Variants in DAAM1 observed in about 807,000 individuals in gnomAD.
The protein encoded by DAAM1 is disheveled-associated activator of morphogenesis 1.
DAAM1 carries 52 observed loss-of-function variants against 130.0 expected under a neutral mutation model. That is an observed-to-expected ratio of 0.40 (90% CI 0.32 to 0.50). DAAM1 has a LOEUF of 0.50. Ranked by LOEUF, DAAM1 falls within the 20% of genes least tolerant of loss-of-function variation. DAAM1 has a pLI of 0.61. For synonymous variants in DAAM1, 452 were observed against 444.5 expected (o/e 1.02, Z -0.21); for missense variants, 1,134 against 1,303.8 (o/e 0.87, Z 2.01).
intron 2 of DAAM1, among the ~76,000 whole-genome samples, chr14:59,267,421 G>C (rs956035130): frequency 6.6e-6 from 1 of 152,020 alleles, no homozygotes; most frequent in Non-Finnish European, 1.5e-5. Flanking sequence ...CCTGCTGTAG[G>C]CAGGGGAACC....
intron 16 of DAAM1, among the ~76,000 whole-genome samples, chr14:59,346,497 T>TCTA (rs1387187774): frequency 4.6e-5 from 7 of 152,160 alleles, no homozygotes; most frequent in African/African-American, 1.7e-4. Context: ...CCAGGCATGG[T>TCTA]GACTCATGCC....
intron 2 of DAAM1, among the ~76,000 whole-genome samples, chr14:59,276,181 A>G (rs958460183): frequency 6.6e-6 from 1 of 152,242 alleles, no homozygotes; most frequent in Non-Finnish European, 1.5e-5. Flanking sequence ...TTGGCAATTC[A>G]TGATTCCCAG....
chr14:59,305,108 C>T (rs961533313), intron 3 of DAAM1, among the ~76,000 whole-genome samples: 5 of 152,168 alleles, frequency 3.3e-5, no homozygotes, highest in African/African-American at 7.2e-5. Flanking sequence ...TGAATTTGCA[C>T]GATACATAAG....
chr14:59,254,857 A>G (rs556367423), intron 1 of DAAM1, among the ~76,000 whole-genome samples: 14 of 152,210 alleles, frequency 9.2e-5, no homozygotes, highest in Non-Finnish European at 1.8e-4. Context: ...TGCTGCTTAC[A>G]TGCAGAGTTG....
At chr14:59,194,265 G>A (rs943485037) in intron 1 of DAAM1, among the ~76,000 whole-genome samples, 4 of 152,200 alleles carry the variant, frequency 2.6e-5, no homozygotes, top group African/African-American at 9.7e-5. Flanking sequence ...TTAATTGAGA[G>A]TAAAATGACT....
chr14:59,196,070 T>A (rs891165395), intron 1 of DAAM1, among the ~76,000 whole-genome samples: 15 of 152,332 alleles, frequency 9.8e-5, no homozygotes, highest in African/African-American at 3.4e-4. Flanking sequence ...CTTCTGACAG[T>A]TGTCCTCCTG....
rs923829942 is a variant in DAAM1 at position 59,317,295 on chromosome 14, T to C, written c.345+1944T>C. 3.4e-4 allele frequency among the ~76,000 whole-genome samples: 51 copies of C among 152,208 alleles called. 1 individual carries two copies. Among genetic ancestry groups the C allele is most frequent in the Non-Finnish European group, 2.5e-4 (17 of 68,034 alleles). On this transcript the variant is annotated intron_variant, in intron 4 of 24. Coordinates refer to ENST00000360909, the MANE Select transcript of DAAM1 (RefSeq NM_001270520.2). ...TAATAGTCCATGAATTAGTGAGGCC[T>C]CAAAATTCCTGCATACTTCAGGGAA...
At chr14:59,252,916 A>G (rs1881711539) in intron 1 of DAAM1, among the ~76,000 whole-genome samples, 1 of 152,146 alleles carries the variant, frequency 6.6e-6, no homozygotes. Flanking sequence ...ATGAATTGGC[A>G]TGTTTCTTTT....
In DAAM1 at chr14:59,314,060, C is replaced by T. The variant is rs369848252; in HGVS notation, c.274-1220C>T. 1.6e-4 allele frequency among the ~76,000 whole-genome samples: 24 copies of T among 152,304 alleles called. 1 individual carries two copies. Among genetic ancestry groups the T allele is most frequent in the Admixed American group, 8.5e-4 (13 of 15,312 alleles). ...TGAAATTGCATTTCTTTTATTCCACCTGTGTAGACCTGTCTGGAAAGATTT... is the reference window on the plus strand; with the variant it reads ...TGAAATTGCATTTCTTTTATTCCACTTGTGTAGACCTGTCTGGAAAGATTT... On this transcript the variant is annotated intron_variant, in intron 3 of 24. Transcript: ENST00000360909.
chr14:59,230,804 T>TA (rs1252626011), intron 1 of DAAM1, among the ~76,000 whole-genome samples: 1 of 152,160 alleles, frequency 6.6e-6, no homozygotes, highest in Non-Finnish European at 1.5e-5. Context: ...ATGATGTGAT[T>TA]ATTTCACAGT....
intron 3 of DAAM1, among the ~76,000 whole-genome samples, chr14:59,304,267 A>G (rs1460853226): frequency 1.3e-5 from 2 of 152,200 alleles, no homozygotes; most frequent in Non-Finnish European, 2.9e-5. Context: ...TGTCTTTCCT[A>G]TATATATTTT....
In DAAM1 at chr14:59,262,281, G is replaced by A. The variant is rs188408533; in HGVS notation, c.-37-1160G>A. Among the ~76,000 whole-genome samples the A allele has an allele frequency of 2.1e-3, 313 of 152,220 alleles. 2 individuals are homozygous for A. Among genetic ancestry groups the A allele is most frequent in the African/African-American group, 7.1e-3 (293 of 41,518 alleles). On this transcript the variant is annotated intron_variant, in intron 1 of 24. Coordinates refer to ENST00000360909, the MANE Select transcript of DAAM1 (RefSeq NM_001270520.2). ...TTACATGTATGGCTTTTTGTATGAC[G>A]TTTTTAAAAAGACGCAATGGCATCA...
intron 1 of DAAM1, among the ~76,000 whole-genome samples, chr14:59,194,687 T>C (rs1452785232): frequency 1.3e-5 from 2 of 152,262 alleles, no homozygotes; most frequent in African/African-American, 4.8e-5. Flanking sequence ...GTCAAACATG[T>C]AATCTAATAT....
intron 1 of DAAM1, among the ~76,000 whole-genome samples, chr14:59,197,494 T>C (rs1340093008): frequency 6.6e-6 from 1 of 152,218 alleles, no homozygotes; most frequent in Non-Finnish European, 1.5e-5. Flanking sequence ...CCTGCTATTA[T>C]ATTTTCGTCT....
intron 15 of DAAM1, among the ~76,000 whole-genome samples, chr14:59,333,001 G>C (rs577381196): frequency 6.6e-6 from 1 of 152,226 alleles, no homozygotes; most frequent in East Asian, 1.9e-4. Flanking sequence ...CCCCAAGAAA[G>C]AGTGTATCAG....
chr14:59,222,448 G>A (rs1419943607), intron 1 of DAAM1, among the ~76,000 whole-genome samples: 1 of 152,158 alleles, frequency 6.6e-6, no homozygotes, highest in Non-Finnish European at 1.5e-5. Flanking sequence ...ATGACCCTGG[G>A]GAATGGTGCC....
At chr14:59,248,379 G>C (rs1368159973) in intron 1 of DAAM1, among the ~76,000 whole-genome samples, 1 of 152,024 alleles carries the variant, frequency 6.6e-6, no homozygotes, top group Non-Finnish European at 1.5e-5. Context: ...AGTAAAGAGT[G>C]TAGTAATCCA....
chr14:59,209,273 T>C (rs1286775171), intron 1 of DAAM1, among the ~76,000 whole-genome samples: 1 of 152,088 alleles, frequency 6.6e-6, no homozygotes, highest in Non-Finnish European at 1.5e-5. Flanking sequence ...CTTTCCAAAT[T>C]TATGAACCTT....
At chr14:59,266,113 TA>T (rs1344368451) in intron 2 of DAAM1, 1 of 151,908 alleles carries the variant, frequency 6.6e-6, no homozygotes, top group Admixed American at 6.6e-5. Flanking sequence ...GTTTCCCACT[TA>T]AAATGTTTTA....
Sources: gnomAD v4.1 joint callset for allele counts (sites outside exome capture counted in the v4.1 genomes callset) on GRCh38, gnomAD v4.1.1 for gene constraint, MANE v1.5 for transcripts, NCBI Gene and HGNC (gene_info 2026-07-23, HGNC 2026-07-21) for gene names.